TCP10L: variants seen among roughly 807,000 people sequenced by gnomAD.
TCP10L encodes t-complex 10 like.
Under a neutral mutation model 19.2 loss-of-function variants are expected in TCP10L, and 11 were observed. The observed-to-expected ratio is 0.57, with a 90% confidence interval of 0.36 to 0.95. The LOEUF is 0.95. TCP10L is among the 40% of genes least tolerant of loss of function. The pLI is 0.01. For synonymous variants in TCP10L, 96 were observed against 97.2 expected (o/e 0.99, Z 0.07); for missense variants, 247 against 263.9 (o/e 0.94, Z 0.44).
At chr21:32,580,476 C>CTGTGTGTGTGTGTGTG (rs3056366) in intron 3 of TCP10L, among the ~76,000 whole-genome samples, 11 of 137,236 alleles carry the variant, frequency 8.0e-5, no homozygotes, top group East Asian at 6.5e-4. Context: ...CGGTGGGTGC[C>CTGTGTGTGTGTGTGTG]TGTGTGTGTG....
rs761306050 is a variant in TCP10L at position 32,584,208 on chromosome 21, C to A, written c.97G>T (p.Val33Leu). The A allele has an allele frequency of 6.2e-7, 1 of 1,614,162 alleles. No individual in the cohort carries two copies. The highest frequency in any genetic ancestry group is 1.1e-5 in the South Asian group (1 of 91,070). Reference protein sequence around the residue: ...GAGAVMEKTAVAAEVLTEDCN... With the variant: ...GAGAVMEKTALAAEVLTEDCN... ...TCCTCCGTGAGAACCTCGGCTGCCACAGCTGTCTTCTCCATGACAGCCCCA... is the reference window on the plus strand; with the variant it reads ...TCCTCCGTGAGAACCTCGGCTGCCAAAGCTGTCTTCTCCATGACAGCCCCA... The change falls in exon 2 of 5, where the codon GTG becomes TTG. Residue 33 changes from valine (V) to leucine (L), a missense_variant. Val to Leu is a conservative substitution (Grantham distance 32). Transcript: ENST00000300258.
chr21:32,584,853 A>G (rs1194076491), intron 1 of TCP10L, among the ~76,000 whole-genome samples: 2 of 152,124 alleles, frequency 1.3e-5, no homozygotes, highest in Admixed American at 6.5e-5. Context: ...TGTGTCTTGA[A>G]CCATCAGGGT....
intron 2 of TCP10L, among the ~76,000 whole-genome samples, chr21:32,583,024 C>CTTTTTTTTTTTT (rs59972145): frequency 1.1e-5 from 1 of 94,798 alleles, no homozygotes; most frequent in Non-Finnish European, 2.1e-5. Context: ...CATTCTTTTC[C>CTTTTTTTTTTTT]TTTTTTTTTT....
chr21:32,575,513 T>C lies in TCP10L; in HGVS notation c.*1261A>G. 6.6e-6 allele frequency: 1 copy of C among 152,622 alleles called. No individual in the cohort carries two copies. The highest frequency in any genetic ancestry group is 1.5e-5 in the Non-Finnish European group (1 of 68,372). 9.5% of individuals were successfully genotyped at this position (152,622 alleles called of 1,614,324 possible). A position where few individuals can be genotyped will look rare whatever the true frequency, so the allele number is the denominator to read the frequency against. ...GACCTCGGCCAAGGATGGGAAGGAG[T>C]CCAGGTGCCAGGCAGCCCAGGGCGA... On this transcript the variant is annotated 3_prime_UTR_variant, in exon 5 of 5. Coordinates refer to ENST00000300258, the MANE Select transcript of TCP10L (RefSeq NM_144659.7).
Position 32,582,423 on chromosome 21 carries a change from T to G in TCP10L, c.145-8A>C, listed in dbSNP as rs879874890. 1 of 1,608,010 alleles carries G rather than the reference T, an allele frequency of 6.2e-7. No homozygotes were observed. Among genetic ancestry groups the G allele is most frequent in the Non-Finnish European group, 8.5e-7 (1 of 1,178,202 alleles). On this transcript the variant is annotated splice_region_variant and splice_polypyrimidine_tract_variant and intron_variant, in intron 2 of 4. Coordinates refer to ENST00000300258, the MANE Select transcript of TCP10L (RefSeq NM_144659.7). This position sits in a 1 kb window ranked among gnomAD's most constrained non-coding sequence, Gnocchi z 4.2. ...GATCTGCTGCTGTAATGGCTGTTAT[T>G]GGGAAGAGAACACCAGAAAAACCTC...
At chr21:32,580,564 C>G (rs919027854) in intron 3 of TCP10L, among the ~76,000 whole-genome samples, 4 of 150,544 alleles carry the variant, frequency 2.7e-5, no homozygotes. Flanking sequence ...CTGGAAGTAC[C>G]GATTTAAAAG....
chr21:32,580,565 G>A (rs1388379287), intron 3 of TCP10L, among the ~76,000 whole-genome samples: 1 of 151,200 alleles, frequency 6.6e-6, no homozygotes, highest in East Asian at 1.9e-4. Flanking sequence ...TGGAAGTACC[G>A]ATTTAAAAGT....
intron 1 of TCP10L, 44 bp from the exon 2 acceptor site, chr21:32,584,349 C>T: frequency 6.3e-7 from 1 of 1,586,344 alleles, no homozygotes; most frequent in South Asian, 1.1e-5. Context: ...GAATGCAGCC[C>T]TCCTACCCCG....
rs183281740 is a variant in TCP10L at position 32,576,144 on chromosome 21, C to T, written c.*630G>A. On this transcript the variant is annotated 3_prime_UTR_variant, in exon 5 of 5. Coordinates refer to ENST00000300258, the MANE Select transcript of TCP10L (RefSeq NM_144659.7). ...TTGCCATAGTAAGATGTTCTGCTCA[C>T]GCGTATCCACGAGAAAGCCCCGCAT... The T allele has an allele frequency of 8.5e-4, 794 of 928,826 alleles. 3 individuals carry two copies. The African/African-American group carries it at 0.012, about 14-fold the overall frequency. The allele number at this position is 928,826 out of a possible 1,614,324, so 57.5% of individuals were successfully genotyped here.
rs1470798813 is a variant in TCP10L, at chr21:32,582,557, C to T, written c.145-142G>A. On this transcript the variant is annotated intron_variant, in intron 2 of 4. Coordinates refer to ENST00000300258, the MANE Select transcript of TCP10L (RefSeq NM_144659.7). This position sits in a 1 kb window ranked among gnomAD's most constrained non-coding sequence, Gnocchi z 4.2. ...ACACCCGATGAGATAAACAGGACTA[C>T]CACAGCCTTTTTCTTTCTTCTTTCT... 7.2e-6 allele frequency: 5 copies of T among 690,932 alleles called. No individual in the cohort carries two copies. The highest frequency in any genetic ancestry group is 3.2e-5 in the Admixed American group (1 of 30,780). 42.8% of individuals were successfully genotyped at this position (690,932 alleles called of 1,614,324 possible). A position where few individuals can be genotyped will look rare whatever the true frequency, so the allele number is the denominator to read the frequency against.
In TCP10L at chr21:32,576,812, T is replaced by G. The variant is rs201493900; in HGVS notation, c.610A>C (p.Arg204=). The change falls in exon 5 of 5, where the codon AGG becomes CGG. Residue 204 remains arginine (R), a synonymous_variant. Coordinates refer to ENST00000300258, the MANE Select transcript of TCP10L (RefSeq NM_144659.7). The part of the protein sequence containing the change: ...RQDRRATPTG[R]PTPCAERRGG... Reference sequence around the variant, plus strand: ...CGTCTCTCTGCACAGGGAGTTGGCCTTCCAGTAGGTGTTGCTCTTCTGTCT... The same window carrying G: ...CGTCTCTCTGCACAGGGAGTTGGCCGTCCAGTAGGTGTTGCTCTTCTGTCT... 2 of 1,614,086 alleles carry G rather than the reference T, an allele frequency of 1.2e-6. No homozygotes were observed. The highest frequency in any genetic ancestry group is 1.7e-6 in the Non-Finnish European group (2 of 1,180,002).
Position 32,576,221 on chromosome 21 carries a change from C to T in TCP10L, c.*553G>A, listed in dbSNP as rs1214356887. 1.5e-5 allele frequency: 23 copies of T among 1,511,282 alleles called. No homozygotes were observed. Among genetic ancestry groups the T allele is most frequent in the Admixed American group, 1.8e-5 (1 of 54,630 alleles). The allele number at this position is 1,511,282 out of a possible 1,614,324, so 93.6% of individuals were successfully genotyped here. A position where few individuals can be genotyped will look rare whatever the true frequency, so the allele number is the denominator to read the frequency against. ...CCCCAACTCTGCTCACCAGCTCCTC[C>T]GGCTGCTGCCATCTGCTCCTGCAGC... On this transcript the variant is annotated 3_prime_UTR_variant, in exon 5 of 5. Coordinates refer to ENST00000300258, the MANE Select transcript of TCP10L (RefSeq NM_144659.7).
At chr21:32,584,866 C>T (rs2038542483) in intron 1 of TCP10L, among the ~76,000 whole-genome samples, 1 of 152,120 alleles carries the variant, frequency 6.6e-6, no homozygotes, top group South Asian at 2.1e-4. Context: ...ATCAGGGTGA[C>T]ATTTGTGAAT....
rs1304746041 is a variant in TCP10L at position 32,576,165 on chromosome 21, C to T, written c.*609G>A. 7.2e-6 allele frequency: 8 copies of T among 1,107,330 alleles called. No individual in the cohort carries two copies. The highest frequency in any genetic ancestry group is 9.1e-6 in the Non-Finnish European group (7 of 770,112). The allele number at this position is 1,107,330 out of a possible 1,614,324, so 68.6% of individuals were successfully genotyped here. A position where few individuals can be genotyped will look rare whatever the true frequency, so the allele number is the denominator to read the frequency against. The stretch of plus-strand genomic sequence containing the variant: ...CTCACGCGTATCCACGAGAAAGCCC[C>T]GCATTTCACGGGGAGCATAGAAACA... On this transcript the variant is annotated 3_prime_UTR_variant, in exon 5 of 5. Transcript: ENST00000300258.
At chr21:32,577,290 G>A (rs144350101) in intron 4 of TCP10L, 311 of 196,354 alleles carry the variant, frequency 1.6e-3, no homozygotes, top group African/African-American at 6.5e-3. Context: ...ACATTGCCCC[G>A]CATGCCTGTG....
At chr21:32,579,794 A>G (rs1261642365) in intron 3 of TCP10L, among the ~76,000 whole-genome samples, 2 of 152,112 alleles carry the variant, frequency 1.3e-5, no homozygotes, top group Non-Finnish European at 2.9e-5. Flanking sequence ...GGCATACAAT[A>G]TATGTAGGGA....
Position 32,574,595 on chromosome 21 carries a change from G to T in TCP10L, c.*2179C>A. ...ACCTACCTGCAGCTCTGCAATGTTT[G>T]GGGAAGAAGCAGTGAACTCATCAGG... On this transcript the variant is annotated 3_prime_UTR_variant, in exon 5 of 5. Transcript: ENST00000300258. The T allele has an allele frequency of 5.7e-6, 1 of 174,174 alleles. No individual in the cohort carries two copies. The allele number at this position is 174,174 out of a possible 1,614,324, so 10.8% of individuals were successfully genotyped here. A position where few individuals can be genotyped will look rare whatever the true frequency, so the allele number is the denominator to read the frequency against.
intron 3 of TCP10L, among the ~76,000 whole-genome samples, chr21:32,580,476 C>CTCTG (rs1555881177): frequency 1.5e-5 from 2 of 137,236 alleles, no homozygotes; most frequent in African/African-American, 5.5e-5. Flanking sequence ...CGGTGGGTGC[C>CTCTG]TGTGTGTGTG....
rs1322802239 is a variant in TCP10L at position 32,574,123 on chromosome 21, T to C, written c.*2651A>G. 2 of 151,900 alleles carry C rather than the reference T, an allele frequency of 1.3e-5. No individual in the cohort carries two copies. Among genetic ancestry groups the C allele is most frequent in the African/African-American group, 4.8e-5 (2 of 41,342 alleles). 9.4% of individuals were successfully genotyped at this position (151,900 alleles called of 1,614,324 possible). On this transcript the variant is annotated 3_prime_UTR_variant, in exon 5 of 5. Transcript: ENST00000300258. ...CACACGTAAGTTCACAGCCCAAATTTCCTGCCGTAGAGAAAATAATTTCAT... is the reference window on the plus strand; with the variant it reads ...CACACGTAAGTTCACAGCCCAAATTCCCTGCCGTAGAGAAAATAATTTCAT...
Sources: gnomAD v4.1 joint callset for allele counts (sites outside exome capture counted in the v4.1 genomes callset) on GRCh38, gnomAD v4.1.1 for gene constraint, Gnocchi (gnomAD v3.1) non-coding constraint, MANE v1.5 for transcripts, NCBI Gene and HGNC (gene_info 2026-07-23, HGNC 2026-07-21) for gene names.